ABCB1: variants seen among roughly 807,000 people sequenced by gnomAD.
ABCB1 encodes ATP-dependent translocase ABCB1.
ABCB1 carries 69 observed loss-of-function variants against 142.0 expected under a neutral mutation model. That is an observed-to-expected ratio of 0.49 (90% CI 0.40 to 0.59). The LOEUF (loss-of-function observed/expected upper bound fraction) is 0.59, where lower values mean the gene tolerates loss of function less well. ABCB1 is among the 20% of genes least tolerant of loss of function. ABCB1 has a pLI of 0.00. For synonymous variants in ABCB1, 532 were observed against 539.2 expected (o/e 0.99, Z 0.18); for missense variants, 1,326 against 1,554.7 (o/e 0.85, Z 2.47).
intron 1 of ABCB1, chr7:87,700,290 A>G (rs1304747491): frequency 8.8e-6 from 6 of 678,178 alleles, no homozygotes; most frequent in Non-Finnish European, 1.2e-5. Context: ...TTTGACACCT[A>G]GATTGGTGGT....
chr7:87,523,783 A>G (rs1815649998), intron 21 of ABCB1, among the ~76,000 whole-genome samples: 1 of 152,190 alleles, frequency 6.6e-6, no homozygotes, highest in African/African-American at 2.4e-5. Context: ...TTCAGCCTAC[A>G]TCAGCCGCAC....
At chr7:87,702,892 G>A (rs1452892111) in intron 1 of ABCB1, among the ~76,000 whole-genome samples, 1 of 152,072 alleles carries the variant, frequency 6.6e-6, no homozygotes, top group Admixed American at 6.5e-5. Context: ...CAAGCATTTT[G>A]GAAAAGGTAT....
At chr7:87,526,280 T>C (rs1028069261) in intron 21 of ABCB1, among the ~76,000 whole-genome samples, 2 of 152,034 alleles carry the variant, frequency 1.3e-5, no homozygotes, top group Non-Finnish European at 2.9e-5. Context: ...AAATTTATCG[T>C]TTTAGGATTA....
intron 1 of ABCB1, among the ~76,000 whole-genome samples, chr7:87,625,000 T>TA (rs1820356130): frequency 6.6e-6 from 1 of 152,238 alleles, no homozygotes; most frequent in African/African-American, 2.4e-5. Flanking sequence ...CTCACGCCTG[T>TA]AATCCCAGCA....
chr7:87,685,719 T>C (rs980093917), intron 1 of ABCB1, among the ~76,000 whole-genome samples: 2 of 152,154 alleles, frequency 1.3e-5, no homozygotes, highest in Non-Finnish European at 2.9e-5. Flanking sequence ...GGAGTTTCTT[T>C]GCATGATGAA....
At chr7:87,545,654 T>G (rs369881257) in intron 15 of ABCB1, among the ~76,000 whole-genome samples, 3 of 152,196 alleles carry the variant, frequency 2.0e-5, no homozygotes, top group East Asian at 3.8e-4. Context: ...CCTTGAAACC[T>G]TTTAATTTTT....
At chr7:87,591,194 G>T (rs994945241) in intron 3 of ABCB1, among the ~76,000 whole-genome samples, 1 of 152,146 alleles carries the variant, frequency 6.6e-6, no homozygotes, top group Non-Finnish European at 1.5e-5. Context: ...GGGCCTGTGA[G>T]TCTAGAAATG....
At chr7:87,583,916 A>G (rs4148733) in intron 4 of ABCB1, among the ~76,000 whole-genome samples, 25,511 of 152,166 alleles carry the variant, frequency 0.17, 2,311 homozygotes, top group Admixed American at 0.25. Context: ...TTCTTCCACT[A>G]TGAAGCAGTA....
intron 24 of ABCB1, among the ~76,000 whole-genome samples, chr7:87,516,009 T>C (rs1361429181): frequency 6.6e-6 from 1 of 152,172 alleles, no homozygotes; most frequent in Non-Finnish European, 1.5e-5. Context: ...AATCTGTTCC[T>C]CAGGAATACA....
chr7:87,668,414 T>C (rs1825486072), intron 1 of ABCB1, among the ~76,000 whole-genome samples: 1 of 152,130 alleles, frequency 6.6e-6, no homozygotes, highest in Non-Finnish European at 1.5e-5. Flanking sequence ...CCTATTTTAT[T>C]AGTTTTTTCA....
chr7:87,536,357 T>C (rs1305479801), intron 20 of ABCB1, 101 bp downstream of exon 20: 1 of 1,025,316 alleles, frequency 9.8e-7, no homozygotes, highest in East Asian at 2.4e-5. Flanking sequence ...TTCAACATTT[T>C]CTTAATGATG....
chr7:87,631,434 AG>A (rs1388173179), intron 1 of ABCB1, among the ~76,000 whole-genome samples: 2 of 152,100 alleles, frequency 1.3e-5, no homozygotes, highest in African/African-American at 4.8e-5. Flanking sequence ...TCTGTCTCCC[AG>A]GCTGGAGAGC....
intron 1 of ABCB1, among the ~76,000 whole-genome samples, chr7:87,701,272 A>G (rs970715589): frequency 6.6e-6 from 1 of 152,194 alleles, no homozygotes; most frequent in Non-Finnish European, 1.5e-5. Flanking sequence ...TCAAAAAAAG[A>G]AGAAAGAAGT....
intron 25 of ABCB1, among the ~76,000 whole-genome samples, chr7:87,510,993 T>C (rs1342059333): frequency 6.6e-6 from 1 of 152,154 alleles, no homozygotes; most frequent in African/African-American, 2.4e-5. Flanking sequence ...TGTTGTAATT[T>C]TCCAGGTTTA....
chr7:87,676,498 C>T (rs1251861372), intron 1 of ABCB1, among the ~76,000 whole-genome samples: 1 of 151,952 alleles, frequency 6.6e-6, no homozygotes, highest in East Asian at 1.9e-4. Context: ...GTCAGGAGTT[C>T]AAGACAACCA....
chr7:87,607,495 A>G (rs1323718985), intron 1 of ABCB1, among the ~76,000 whole-genome samples: 1 of 152,142 alleles, frequency 6.6e-6, no homozygotes, highest in Non-Finnish European at 1.5e-5. Flanking sequence ...CCAAACAAAT[A>G]AAGATGGACT....
At chr7:87,509,880 T>G (rs758326648) in intron 25 of ABCB1, among the ~76,000 whole-genome samples, 1 of 152,216 alleles carries the variant, frequency 6.6e-6, no homozygotes, top group Admixed American at 6.5e-5. Flanking sequence ...GAAACTAATG[T>G]AATCATAAGG....
rs1819767360 is a variant in ABCB1 at position 87,609,328 on chromosome 7, TA to T, written c.-330-8251del. 2.6e-5 allele frequency among the ~76,000 whole-genome samples: 4 copies of T among 152,166 alleles called. No individual in the cohort carries two copies. The South Asian group carries it at 8.3e-4, about 32-fold the overall frequency. On this transcript the variant is annotated intron_variant, in intron 1 of 28. Coordinates refer to the ABCB1 transcript ENST00000265724. The stretch of plus-strand genomic sequence containing the variant: ...ACTAATAATTTTAAGGTTATTTCTT[TA>T]AAATAACCTTAATTTCATGCTCTAG...
chr7:87,681,584 A>G (rs1182714583), intron 1 of ABCB1, among the ~76,000 whole-genome samples: 1 of 150,790 alleles, frequency 6.6e-6, no homozygotes, highest in Non-Finnish European at 1.5e-5. Flanking sequence ...TTTACTGCTA[A>G]AAATGCTAAC....
Sources: gnomAD v4.1 joint callset for allele counts (sites outside exome capture counted in the v4.1 genomes callset) on GRCh38, gnomAD v4.1.1 for gene constraint, MANE v1.5 for transcripts, NCBI Gene and HGNC (gene_info 2026-07-23, HGNC 2026-07-21) for gene names.